CHRM3: variants seen among roughly 807,000 people sequenced by gnomAD.
CHRM3 encodes muscarinic acetylcholine receptor M3.
CHRM3 carries 11 observed loss-of-function variants against 41.8 expected under a neutral mutation model. The observed-to-expected ratio is 0.26, with a 90% CI of 0.17 to 0.44. CHRM3 has a LOEUF of 0.44. CHRM3 is among the 20% of genes least tolerant of loss of function. The pLI, the probability that CHRM3 is intolerant of heterozygous loss-of-function variation, is 1.00. For synonymous variants in CHRM3, 297 were observed against 301.4 expected (o/e 0.99, Z 0.15); for missense variants, 571 against 745.4 (o/e 0.77, Z 2.72).
At chr1:239,772,226 T>C (rs745567719) in intron 5 of CHRM3, among the ~76,000 whole-genome samples, 1 of 152,122 alleles carries the variant, frequency 6.6e-6, no homozygotes, top group Non-Finnish European at 1.5e-5. Context: ...TCTCAGCTCA[T>C]TGTAACCTCT....
intron 5 of CHRM3, among the ~76,000 whole-genome samples, chr1:239,754,867 G>A (rs1666115412): frequency 6.6e-6 from 1 of 152,084 alleles, no homozygotes; most frequent in African/African-American, 2.4e-5. Flanking sequence ...AGGGTAGGAT[G>A]GAAGATTTTC....
chr1:239,817,705 C>T (rs1282717049), intron 5 of CHRM3, among the ~76,000 whole-genome samples: 1 of 152,074 alleles, frequency 6.6e-6, no homozygotes, highest in East Asian at 1.9e-4. Context: ...TCTACACACA[C>T]ACACACTCGC....
chr1:239,753,693 G>A (rs892485335), intron 5 of CHRM3, among the ~76,000 whole-genome samples: 1 of 152,126 alleles, frequency 6.6e-6, no homozygotes, highest in Non-Finnish European at 1.5e-5. Flanking sequence ...GTCATATTTT[G>A]TTGACTGACC....
At chr1:239,517,414 G>C (rs913498045) in intron 2 of CHRM3, among the ~76,000 whole-genome samples, 6 of 152,182 alleles carry the variant, frequency 3.9e-5, no homozygotes. Flanking sequence ...AGTTCAAGCT[G>C]CCCGACTTCT....
chr1:239,634,406 G>GAAAGAAAGAAAGAAAGAAAGAAAGAAAGA (rs1558401977), intron 4 of CHRM3, among the ~76,000 whole-genome samples: 1 of 80,266 alleles, frequency 1.2e-5, no homozygotes, highest in African/African-American at 4.3e-5. Flanking sequence ...AGAAAGAAAG[G>GAAAGAAAGAAAGAAAGAAAGAAAGAAAGA]AAAGAAAGAA....
intron 5 of CHRM3, among the ~76,000 whole-genome samples, chr1:239,816,536 A>G (rs903624349): frequency 1.3e-5 from 2 of 152,080 alleles, no homozygotes; most frequent in African/African-American, 4.8e-5. Flanking sequence ...CCAGATAACA[A>G]GCTCAGAATG....
In CHRM3 at chr1:239,603,575, A is replaced by G. The variant is rs986429422; in HGVS notation, c.-312-28649A>G. 5.9e-5 allele frequency among the ~76,000 whole-genome samples: 9 copies of G among 152,244 alleles called. No individual in the cohort carries two copies. In the South Asian group the frequency reaches 1.2e-3, roughly 21 times the overall value. On this transcript the variant is annotated intron_variant, in intron 3 of 6. Transcript: ENST00000676153. ...ACAAAGCCAATGAGGTCGAGGTCTC[A>G]TGGTTTTATAGCCAGGGGCTTCTAT...
intron 5 of CHRM3, among the ~76,000 whole-genome samples, chr1:239,708,530 T>G (rs1385720723): frequency 6.6e-6 from 1 of 152,064 alleles, no homozygotes; most frequent in Admixed American, 6.6e-5. Flanking sequence ...AAAGAACATC[T>G]CAGCACCTCC....
chr1:239,551,244 C>A (rs1659794903), intron 3 of CHRM3, among the ~76,000 whole-genome samples: 1 of 140,992 alleles, frequency 7.1e-6, no homozygotes, highest in South Asian at 2.3e-4. Context: ...CTTACTGCAA[C>A]CTCCACCTCC....
intron 5 of CHRM3, among the ~76,000 whole-genome samples, chr1:239,752,206 G>A (rs112581881): frequency 0.02 from 3,011 of 152,216 alleles, 90 homozygotes; most frequent in African/African-American, 0.065. Flanking sequence ...TGGAAGCAGC[G>A]CCCATCAGGT....
chr1:239,664,973 C>G (rs1158544705), intron 4 of CHRM3, among the ~76,000 whole-genome samples: 1 of 151,938 alleles, frequency 6.6e-6, no homozygotes, highest in African/African-American at 2.4e-5. Context: ...AAACTAGAAC[C>G]CACACATCTG....
chr1:239,631,098 A>G (rs960688918), intron 3 of CHRM3, among the ~76,000 whole-genome samples: 9 of 152,212 alleles, frequency 5.9e-5, no homozygotes, highest in Admixed American at 4.6e-4. Context: ...AATGCTTGTG[A>G]GCATAAATGT....
intron 5 of CHRM3, among the ~76,000 whole-genome samples, chr1:239,757,345 T>C (rs1666322797): frequency 6.6e-6 from 1 of 152,142 alleles, no homozygotes; most frequent in Non-Finnish European, 1.5e-5. Context: ...TTGAAGGAAC[T>C]GTAGAAAAGA....
intron 3 of CHRM3, among the ~76,000 whole-genome samples, chr1:239,592,798 T>TA (rs1664330031): frequency 2.6e-5 from 4 of 152,162 alleles, no homozygotes. Flanking sequence ...AGCATTCATG[T>TA]ACAAGATTTT....
At chr1:239,555,806 C>T (rs1660295691) in intron 3 of CHRM3, among the ~76,000 whole-genome samples, 2 of 152,184 alleles carry the variant, frequency 1.3e-5, no homozygotes, top group African/African-American at 4.8e-5. Flanking sequence ...CTCTACCCTA[C>T]CACCAGCTTG....
rs902719142 is a variant in CHRM3, at chr1:239,386,853, G to A, written c.-895G>A. ...AGCGTGCAGGGGAGCACAGGGCGCGGGGGCGGCACTGCCGAGCCGGGAGCG... is the reference window on the plus strand; with the variant it reads ...AGCGTGCAGGGGAGCACAGGGCGCGAGGGCGGCACTGCCGAGCCGGGAGCG... On this transcript the variant is annotated 5_prime_UTR_variant, in exon 1 of 7. Coordinates refer to ENST00000676153, the MANE Select transcript of CHRM3 (RefSeq NM_001375978.1). The A allele has an allele frequency of 1.3e-5, 2 of 152,038 alleles. No individual in the cohort carries two copies. The highest frequency in any genetic ancestry group is 1.3e-4 in the Admixed American group (2 of 15,268). The allele number at this position is 152,038 out of a possible 1,614,324, so 9.4% of individuals were successfully genotyped here.
At chr1:239,614,322 A>G (rs1481655937) in intron 3 of CHRM3, among the ~76,000 whole-genome samples, 2 of 152,202 alleles carry the variant, frequency 1.3e-5, no homozygotes, top group Non-Finnish European at 2.9e-5. Context: ...GTTTCTCAAA[A>G]ATTAATCAGA....
chr1:239,772,374 C>T (rs897023495), intron 5 of CHRM3, among the ~76,000 whole-genome samples: 3 of 152,186 alleles, frequency 2.0e-5, no homozygotes, highest in African/African-American at 7.2e-5. Context: ...TGGTCTCGAA[C>T]TCCTGACCTC....
chr1:239,570,109 C>T (rs1661697716), intron 3 of CHRM3, among the ~76,000 whole-genome samples: 1 of 152,112 alleles, frequency 6.6e-6, no homozygotes, highest in South Asian at 2.1e-4. Flanking sequence ...CCCATAATCC[C>T]TGTATGTCGA....
Sources: allele counts gnomAD v4.1 joint callset (sites outside exome capture counted in the v4.1 genomes callset), GRCh38; gene constraint gnomAD v4.1.1; transcripts MANE v1.5; gene names NCBI Gene and HGNC (gene_info 2026-07-23, HGNC 2026-07-21).